EXD2: variants seen among roughly 807,000 people sequenced by gnomAD.
EXD2 encodes the protein exonuclease 3'-5' domain-containing protein 2.
Under a neutral mutation model 62.5 loss-of-function variants are expected in EXD2, and 40 were observed. The ratio of observed to expected loss-of-function variants is 0.64; its 90% CI spans 0.50 to 0.83. The LOEUF (loss-of-function observed/expected upper bound fraction) is 0.83, where lower values mean the gene tolerates loss of function less well. Ranked by LOEUF, EXD2 falls within the 40% of genes least tolerant of loss-of-function variation. The pLI is 0.00. For missense variants in EXD2, 671 were observed against 761.8 expected, an observed-to-expected ratio of 0.88 and a Z score of 1.40; for synonymous variants, 239 against 291.9, an observed-to-expected ratio of 0.82 and a Z score of 1.85.
At chr14:69,231,910 A>T (rs931553325) in intron 5 of EXD2, among the ~76,000 whole-genome samples, 8 of 54,130 alleles carry the variant, frequency 1.5e-4, no homozygotes, top group African/African-American at 1.2e-3. Context: ...CATGAGCAGT[A>T]AAAAAAAAAA....
chr14:69,193,366 C>T (rs935456367), intron 1 of EXD2, among the ~76,000 whole-genome samples: 2 of 152,244 alleles, frequency 1.3e-5, no homozygotes, highest in East Asian at 1.9e-4. Context: ...GCCCACCATG[C>T]TCTTTTGATC....
At chr14:69,236,997 A>C (rs1179705932) in intron 8 of EXD2, among the ~76,000 whole-genome samples, 1 of 152,218 alleles carries the variant, frequency 6.6e-6, no homozygotes, top group Non-Finnish European at 1.5e-5. Context: ...ACTACGTCTG[A>C]GTGCCCAGAC....
At chr14:69,203,267 G>T (rs2042469144) in intron 1 of EXD2, among the ~76,000 whole-genome samples, 1 of 151,530 alleles carries the variant, frequency 6.6e-6, no homozygotes, top group Non-Finnish European at 1.5e-5. Context: ...GTAGAGATGG[G>T]ATTTCACCAT....
At chr14:69,221,909 TAAAAAAAAAAAAAA>T (rs60647735) in intron 3 of EXD2, among the ~76,000 whole-genome samples, 7 of 52,034 alleles carry the variant, frequency 1.3e-4, no homozygotes, top group Non-Finnish European at 2.0e-4. Flanking sequence ...CTGTCTCTAC[TAAAAAAAAAAAAAA>T]AAAAAAAAAA....
At position 69,228,818 on chromosome 14, in the gene EXD2, A is replaced by G; in HGVS notation, c.336A>G (p.Val112=). 1 of 1,611,286 alleles carries G rather than the reference A, an allele frequency of 6.2e-7. No homozygotes were observed. Residue 112 remains valine, a splice_region_variant and synonymous_variant, in exon 4 of 10, where the codon GTA becomes GTG. Coordinates refer to ENST00000685843, the MANE Select transcript of EXD2 (RefSeq NM_001193360.2). ...FPVLGIDCEW[V]NLEGKASPLS... ...AACCTTGTCTTCCTCTGTTGCAGGT[A>G]AATTTGGAAGGCAAAGCCAGCCCTC...
intron 2 of EXD2, among the ~76,000 whole-genome samples, chr14:69,205,309 C>T (rs1368997135): frequency 2.0e-5 from 3 of 152,106 alleles, no homozygotes; most frequent in East Asian, 3.9e-4. Flanking sequence ...CCTCGGCCTC[C>T]CAAAGCGTTG....
chr14:69,233,396 T>A (rs1469201990), intron 5 of EXD2, among the ~76,000 whole-genome samples: 1 of 151,796 alleles, frequency 6.6e-6, no homozygotes, highest in African/African-American at 2.4e-5. Flanking sequence ...TTTTTTAAAA[T>A]TTTAGTTTTT....
At chr14:69,205,595 A>G (rs1278893493) in intron 2 of EXD2, among the ~76,000 whole-genome samples, 2 of 152,036 alleles carry the variant, frequency 1.3e-5, no homozygotes, top group African/African-American at 2.4e-5. Context: ...TTCAGATCTC[A>G]AGTATGGAAA....
At chr14:69,215,495 CTG>C (rs1407005196) in intron 3 of EXD2, among the ~76,000 whole-genome samples, 1 of 152,168 alleles carries the variant, frequency 6.6e-6, no homozygotes, top group East Asian at 1.9e-4. Context: ...TGATGCCAAA[CTG>C]TTTACCAAGA....
chr14:69,208,502 G>A (rs773007430), intron 2 of EXD2, among the ~76,000 whole-genome samples: 4 of 152,054 alleles, frequency 2.6e-5, no homozygotes, highest in Admixed American at 6.5e-5. Flanking sequence ...GAGCCACCGC[G>A]CCCGGCCCAG....
At chr14:69,225,459 A>G (rs2043325431) in intron 3 of EXD2, among the ~76,000 whole-genome samples, 1 of 152,206 alleles carries the variant, frequency 6.6e-6, no homozygotes, top group Admixed American at 6.5e-5. Flanking sequence ...TAGAAATTGT[A>G]TCTGTAATGA....
chr14:69,210,042 T>C, intron 3 of EXD2: 1 of 345,906 alleles, frequency 2.9e-6, no homozygotes, highest in African/African-American at 2.1e-5. Flanking sequence ...TTTCCCCACT[T>C]ATCATTCCGT....
intron 3 of EXD2, among the ~76,000 whole-genome samples, chr14:69,213,435 A>C (rs1369676779): frequency 7.9e-5 from 10 of 126,448 alleles, no homozygotes; most frequent in Non-Finnish European, 1.3e-4. Flanking sequence ...CAGTTGTGTG[A>C]GCATGGCTCA....
Position 69,203,935 on chromosome 14 carries a change from CTG to C in EXD2, c.-111_-110del, listed in dbSNP as rs1192048766. 3 of 152,214 alleles carry C rather than the reference CTG, an allele frequency of 2.0e-5. No individual in the cohort carries two copies. The highest frequency in any genetic ancestry group is 4.4e-5 in the Non-Finnish European group (3 of 68,036). 9.4% of individuals were successfully genotyped at this position (152,214 alleles called of 1,614,324 possible). ...TTCACAGATGAGGAGACTGTCCTTC[CTG>C]TTTCGCAGATGAGGAAACTGAGGCT... On this transcript the variant is annotated 5_prime_UTR_variant, in exon 2 of 10. It removes the in-frame stop codon of an upstream open reading frame in the 5' UTR. Coordinates refer to ENST00000685843, the MANE Select transcript of EXD2 (RefSeq NM_001193360.2).
intron 3 of EXD2, among the ~76,000 whole-genome samples, chr14:69,225,826 T>G (rs1311277751): frequency 1.3e-5 from 2 of 152,178 alleles, no homozygotes; most frequent in Admixed American, 1.3e-4. Flanking sequence ...AGAAACATTA[T>G]TCTTCCAATT....
chr14:69,226,366 A>G (rs1317644911), intron 3 of EXD2, among the ~76,000 whole-genome samples: 1 of 152,218 alleles, frequency 6.6e-6, no homozygotes, highest in East Asian at 1.9e-4. Context: ...ATACGAAAAT[A>G]GCTCTCACTG....
Position 69,242,190 on chromosome 14 carries a change from G to T in EXD2, c.*1090G>T. ...TTGAGTATAAAATCGACTTATTAAT[G>T]ATTAGTAATTTTTCTAAAGTATTGG... On this transcript the variant is annotated 3_prime_UTR_variant, in exon 10 of 10. Coordinates refer to ENST00000685843, the MANE Select transcript of EXD2 (RefSeq NM_001193360.2). The T allele has an allele frequency of 7.6e-6, 3 of 396,808 alleles. No individual in the cohort carries two copies. The highest frequency in any genetic ancestry group is 1.3e-5 in the Non-Finnish European group (3 of 225,538). The allele number at this position is 396,808 out of a possible 1,614,324, so 24.6% of individuals were successfully genotyped here.
At chr14:69,209,974 G>A (rs1483822996) in intron 3 of EXD2, 171 bp downstream of exon 3, 21 of 519,478 alleles carry the variant, frequency 4.0e-5, no homozygotes, top group Non-Finnish European at 5.6e-5. Flanking sequence ...TTCCTCTCAG[G>A]ATGGCGGAGT....
chr14:69,232,063 GT>G (rs2043603613), intron 5 of EXD2, among the ~76,000 whole-genome samples: 2 of 152,106 alleles, frequency 1.3e-5, no homozygotes, highest in South Asian at 4.1e-4. Context: ...GGTGCCAGTG[GT>G]TTTAACATTC....
Sources: gnomAD v4.1 joint callset for allele counts (sites outside exome capture counted in the v4.1 genomes callset) on GRCh38, gnomAD v4.1.1 for gene constraint, MANE v1.5 for transcripts, NCBI Gene and HGNC (gene_info 2026-07-23, HGNC 2026-07-21) for gene names.